CRYBB1: variants seen among roughly 807,000 people sequenced by gnomAD.
CRYBB1 encodes crystallin beta B1.
Under a neutral mutation model 29.5 loss-of-function variants are expected in CRYBB1, and 16 were observed. The observed-to-expected ratio is 0.54, with a 90% CI of 0.37 to 0.82. CRYBB1 has a LOEUF of 0.82. Among genes scored for constraint, CRYBB1 ranks in the 40% least tolerant of loss-of-function variants. The probability of loss-of-function intolerance (pLI) is 0.00; values close to 1 mark genes in which losing one functional copy is unlikely to be tolerated. For synonymous variants in CRYBB1, 127 were observed against 136.7 expected, an observed-to-expected ratio of 0.93 and a Z score of 0.49; for missense variants, 300 against 350.5, an observed-to-expected ratio of 0.86 and a Z score of 1.15.
intron 1 of CRYBB1, 58 bp from the exon 2 acceptor site, chr22:26,616,396 A>C: frequency 8.7e-7 from 1 of 1,147,318 alleles, no homozygotes; most frequent in South Asian, 1.2e-5. Flanking sequence ...CTGCCCTCAT[A>C]GCCCCACATC....
At chr22:26,615,878 A>G (rs1929334001) in intron 2 of CRYBB1, among the ~76,000 whole-genome samples, 1 of 152,098 alleles carries the variant, frequency 6.6e-6, no homozygotes, top group Admixed American at 6.5e-5. Context: ...GCTGGGCCAC[A>G]CTTGTGTCCC....
chr22:26,601,830 T>G, intron 5 of CRYBB1, 49 bp downstream of exon 5: 1 of 1,610,742 alleles, frequency 6.2e-7, no homozygotes, highest in Non-Finnish European at 8.5e-7. Context: ...CCTCTGATTC[T>G]GCCTGTGCTT....
chr22:26,611,726 G>T (rs988888237), intron 3 of CRYBB1, among the ~76,000 whole-genome samples: 2 of 151,892 alleles, frequency 1.3e-5, no homozygotes, highest in African/African-American at 4.8e-5. Flanking sequence ...CACCCGCCTC[G>T]GCCTCCCAAA....
chr22:26,600,757 C>G (rs144898055), intron 5 of CRYBB1, among the ~76,000 whole-genome samples: 1 of 152,214 alleles, frequency 6.6e-6, no homozygotes, highest in South Asian at 2.1e-4. Context: ...CTGCCAGACC[C>G]CCTCCCTATA....
Position 26,599,560 on chromosome 22 carries a change from C to T in CRYBB1, c.689G>A (p.Arg230His), listed in dbSNP as rs183729679. ...GTGCCACTGCTTGTCACGCAGGCGA[C>T]GCAGGGACTGCATCTGTGGCTGGAA... ...GAFQPQMQSL[R>H]RLRDKQWHLE... Residue 230 changes from arginine (R) to histidine (H), a missense_variant, in exon 6 of 6, where the codon CGT becomes CAT. Transcript: ENST00000647684. The T allele has an allele frequency of 3.6e-5, 58 of 1,614,156 alleles. No individual in the cohort carries two copies. Among genetic ancestry groups the T allele is most frequent in the East Asian group, 1.3e-4 (6 of 44,886 alleles).
intron 1 of CRYBB1, 52 bp from the exon 2 acceptor site, chr22:26,616,390 C>T: frequency 8.3e-7 from 1 of 1,197,672 alleles, no homozygotes; most frequent in Middle Eastern, 2.1e-4. Flanking sequence ...TGCCTCCTGC[C>T]CTCATAGCCC....
Position 26,616,575 on chromosome 22 carries a change from A to G in CRYBB1, c.-19-237T>C, listed in dbSNP as rs548542484. ...GGCTTTTGACCATGCGGTTCCCTCC[A>G]CTAGCTGTTCCACCCTCCATTACCC... is the stretch of plus-strand genomic sequence containing the variant. On this transcript the variant is annotated intron_variant, in intron 1 of 5. Coordinates refer to ENST00000647684, the MANE Select transcript of CRYBB1 (RefSeq NM_001887.4). Among the ~76,000 whole-genome samples the G allele has an allele frequency of 3.9e-5, 6 of 152,230 alleles. No homozygotes were observed. In the East Asian group the frequency reaches 1.2e-3, roughly 29 times the overall value.
intron 2 of CRYBB1, 72 bp from the exon 3 acceptor site, chr22:26,612,262 A>C (rs1929198407): frequency 9.9e-7 from 1 of 1,013,498 alleles, no homozygotes; most frequent in Non-Finnish European, 1.6e-6. Flanking sequence ...TATCTACATA[A>C]ATAAAAGCCA....
chr22:26,616,050 G>T, intron 2 of CRYBB1, 90 bp downstream of exon 2: 1 of 1,035,076 alleles, frequency 9.7e-7, no homozygotes, highest in Non-Finnish European at 1.5e-6. Flanking sequence ...AGTAAGAGGT[G>T]AAAGAGGAAG....
At chr22:26,612,046 G>A (rs781199824) in intron 3 of CRYBB1, 26 bp downstream of exon 3, 4 of 1,501,646 alleles carry the variant, frequency 2.7e-6, no homozygotes, top group Admixed American at 3.3e-5. Context: ...GGCAGAGAGT[G>A]TGCCCCTCCG....
chr22:26,603,640 C>G (rs368466468), intron 4 of CRYBB1, among the ~76,000 whole-genome samples: 2 of 152,028 alleles, frequency 1.3e-5, no homozygotes, highest in East Asian at 3.9e-4. Context: ...CGCGGTGGCT[C>G]ACGCCTGTAA....
At chr22:26,604,163 G>A (rs1602322447) in intron 4 of CRYBB1, among the ~76,000 whole-genome samples, 1 of 151,980 alleles carries the variant, frequency 6.6e-6, no homozygotes, top group Non-Finnish European at 1.5e-5. Context: ...GGACCTCAGT[G>A]TCTAGGTTCA....
At chr22:26,604,747 C>A (rs534524478) in intron 4 of CRYBB1, among the ~76,000 whole-genome samples, 61 of 152,200 alleles carry the variant, frequency 4.0e-4, no homozygotes, top group Non-Finnish European at 7.5e-4. Context: ...GCACAGGGGA[C>A]CCTTTGGGGC....
intron 4 of CRYBB1, among the ~76,000 whole-genome samples, chr22:26,605,530 T>C (rs1928946928): frequency 1.3e-5 from 2 of 151,932 alleles, no homozygotes; most frequent in South Asian, 4.2e-4. Flanking sequence ...AAAAATTATC[T>C]GGGCGTGGCG....
chr22:26,608,025 G>C lies in CRYBB1; in HGVS notation c.300-4C>G, dbSNP rs749672035. On this transcript the variant is annotated splice_polypyrimidine_tract_variant and splice_region_variant and intron_variant, in intron 3 of 5. Transcript: ENST00000647684. ...GGACTGCTCAAAGGCGACCCAGCTG[G>C]ATACAAGAAGGACCATGAGGCAGAC... 13 of 1,614,156 alleles carry C rather than the reference G, an allele frequency of 8.1e-6. No individual in the cohort carries two copies. Among genetic ancestry groups the C allele is most frequent in the Non-Finnish European group, 1.1e-5 (13 of 1,180,042 alleles).
chr22:26,605,499 C>T (rs890727537), intron 4 of CRYBB1, among the ~76,000 whole-genome samples: 1 of 151,884 alleles, frequency 6.6e-6, no homozygotes, highest in Non-Finnish European at 1.5e-5. Context: ...CATGATGAAA[C>T]CCTGTCTCTA....
intron 4 of CRYBB1, among the ~76,000 whole-genome samples, chr22:26,604,862 T>G (rs1248782306): frequency 6.6e-6 from 1 of 152,162 alleles, no homozygotes; most frequent in Admixed American, 6.5e-5. Context: ...AGGTTGTTAG[T>G]CAATGGCTCC....
At chr22:26,611,933 T>A (rs1020393236) in intron 3 of CRYBB1, 139 bp downstream of exon 3, 10 of 730,742 alleles carry the variant, frequency 1.4e-5, no homozygotes, top group Non-Finnish European at 2.3e-5. Flanking sequence ...TTCAGTTTGA[T>A]ATGAGGATTG....
At position 26,604,330 on chromosome 22, in the gene CRYBB1, G is replaced by A. The variant is rs975467025; in HGVS notation, c.433-2309C>T. Reference sequence around the variant, plus strand: ...GACAGTTGTAGGGATTATGTAAAAGGCAGGTAATATACCCAGTACGTAGTT... The same window carrying A: ...GACAGTTGTAGGGATTATGTAAAAGACAGGTAATATACCCAGTACGTAGTT... On this transcript the variant is annotated intron_variant, in intron 4 of 5. Coordinates refer to ENST00000647684, the MANE Select transcript of CRYBB1 (RefSeq NM_001887.4). Among the ~76,000 whole-genome samples the A allele has an allele frequency of 3.9e-5, 6 of 152,216 alleles. No homozygotes were observed. In the East Asian group the frequency reaches 7.7e-4, roughly 19 times the overall value.
Sources: allele counts gnomAD v4.1 joint callset (sites outside exome capture counted in the v4.1 genomes callset), GRCh38; gene constraint gnomAD v4.1.1; transcripts MANE v1.5; gene names NCBI Gene and HGNC (gene_info 2026-07-23, HGNC 2026-07-21).